Variants in MCF2L observed in about 807,000 individuals in gnomAD.
MCF2L encodes the protein MCF.2 cell line derived transforming sequence like, also known as guanine nucleotide exchange factor DBS.
A neutral mutation model predicts 153.4 loss-of-function variants in MCF2L; 97 were observed. That is an observed-to-expected ratio of 0.63 (90% CI 0.54 to 0.75). The LOEUF is 0.75. Ranked by LOEUF, MCF2L falls within the 30% of genes least tolerant of loss-of-function variation. The pLI is 0.00. For missense variants in MCF2L, 1,347 were observed against 1,495.2 expected (o/e 0.90, Z 1.64); for synonymous variants, 659 against 632.2 (o/e 1.04, Z -0.64).
Position 113,025,522 on chromosome 13 carries a change from T to C in MCF2L, c.278+764T>C, listed in dbSNP as rs186194259. On this transcript the variant is annotated intron_variant, in intron 3 of 29. Transcript: ENST00000535094. ...GGGGCAGAGTCTCTGTGAGGTTTCATCATCGTGGGGTCCCCGTGACTGTGG... is the reference window on the plus strand; with the variant it reads ...GGGGCAGAGTCTCTGTGAGGTTTCACCATCGTGGGGTCCCCGTGACTGTGG... Among the ~76,000 whole-genome samples the C allele has an allele frequency of 2.3e-4, 8 of 35,240 alleles. 1 individual carries two copies. Among genetic ancestry groups the C allele is most frequent in the African/African-American group, 3.8e-4 (3 of 7,942 alleles). 23.1% of individuals were successfully genotyped at this position (35,240 alleles called of 152,430 possible).
chr13:113,076,070 G>A lies in MCF2L; in HGVS notation c.1413G>A (p.Lys471=). The change falls in exon 12 of 30, where the codon AAG becomes AAA. Residue 471 remains lysine (K), a synonymous_variant. Transcript: ENST00000535094. ...GAEAALQEIE[K]FLETGAENKI... is the part of the protein sequence containing the mutation. ...AGGCTGCCCTCCAGGAAATCGAGAA[G>A]TTTTTGGAGACCGGTGCGGAAAATA... 1 of 1,614,068 alleles carries A rather than the reference G, an allele frequency of 6.2e-7. No homozygotes were observed.
At chr13:113,049,397 C>T (rs1196488552) in intron 4 of MCF2L, among the ~76,000 whole-genome samples, 1 of 152,124 alleles carries the variant, frequency 6.6e-6, no homozygotes, top group Non-Finnish European at 1.5e-5. Flanking sequence ...ATGAGCCACG[C>T]ACTCCTTGGA....
In MCF2L at chr13:112,896,461, C is replaced by CCCA. The variant is rs1555347664; in HGVS notation, c.-5+2032_-5+2033insACC. On this transcript the variant is annotated intron_variant, in intron 1 of 29. Transcript: ENST00000375608. ...CCAGGTCACTTCAGAAGAGAGGCCC[C>CCCA]CCCTGTCTTTACAGCCATGTAATTT... 1.6e-4 allele frequency among the ~76,000 whole-genome samples: 25 copies of CCCA among 152,256 alleles called. 1 individual carries two copies. The highest frequency in any genetic ancestry group is 6.0e-4 in the African/African-American group (25 of 41,512).
At chr13:112,898,344 G>A (rs1485247269) in intron 1 of MCF2L, among the ~76,000 whole-genome samples, 1 of 152,206 alleles carries the variant, frequency 6.6e-6, no homozygotes, top group African/African-American at 2.4e-5. Flanking sequence ...CTGGTTGCGG[G>A]GCGTGAGGTG....
intron 2 of MCF2L, among the ~76,000 whole-genome samples, chr13:112,958,736 C>G (rs2081788597): frequency 6.6e-6 from 1 of 152,206 alleles, no homozygotes; most frequent in African/African-American, 2.4e-5. Context: ...TGCAGCTCCT[C>G]AGGCCTGGAA....
intron 26 of MCF2L, 51 bp from the exon 27 acceptor site, chr13:113,094,463 A>C: frequency 1.9e-6 from 3 of 1,564,774 alleles, no homozygotes; most frequent in Non-Finnish European, 2.6e-6. Context: ...AGACAGATGC[A>C]GACAGCGGCT....
chr13:113,013,128 C>T (rs893981760), intron 1 of MCF2L, among the ~76,000 whole-genome samples: 1 of 152,174 alleles, frequency 6.6e-6, no homozygotes, highest in Admixed American at 6.5e-5. Flanking sequence ...CATCCAACTG[C>T]GCAGTCTAGG....
intron 1 of MCF2L, among the ~76,000 whole-genome samples, chr13:113,003,210 A>G (rs1229312311): frequency 6.6e-6 from 1 of 152,232 alleles, no homozygotes; most frequent in African/African-American, 2.4e-5. Context: ...GCTGTGGAGC[A>G]CTGGGGAAGG....
chr13:113,033,261 A>ACCCCGTGGCGTGAGTGGC (rs1566772795), intron 3 of MCF2L, among the ~76,000 whole-genome samples: 7 of 9,002 alleles, frequency 7.8e-4, no homozygotes, highest in East Asian at 3.6e-3. Context: ...ACATTAGTGG[A>ACCCCGTGGCGTGAGTGGC]CCCCGTGGCG....
chr13:113,087,715 C>T lies in MCF2L; in HGVS notation c.2604C>T (p.Ala868=), dbSNP rs1013566442. Residue 868 remains alanine (A), a synonymous_variant, in exon 23 of 30, where the codon GCC becomes GCT. Transcript: ENST00000535094. ...YSYKQSLNMA[A]VGITENVKGD... Reference sequence around the variant, plus strand: ...CCACTCTCTGCTCGCAGATGGCTGCCGTTGGCATTACGGAGAACGTGAAGG... The same window carrying T: ...CCACTCTCTGCTCGCAGATGGCTGCTGTTGGCATTACGGAGAACGTGAAGG... The T allele has an allele frequency of 1.1e-5, 17 of 1,613,764 alleles. No individual in the cohort carries two copies. Among genetic ancestry groups the T allele is most frequent in the East Asian group, 2.2e-5 (1 of 44,894 alleles).
intron 3 of MCF2L, among the ~76,000 whole-genome samples, chr13:113,041,911 G>A (rs1425625137): frequency 1.3e-5 from 2 of 152,170 alleles, no homozygotes; most frequent in Non-Finnish European, 2.9e-5. Flanking sequence ...GTCTGAGCCA[G>A]GTTCCCCTGT....
At chr13:113,033,297 ACCCCGTGG>A (rs1566773069) in intron 3 of MCF2L, among the ~76,000 whole-genome samples, 25 of 24,792 alleles carry the variant, frequency 1.0e-3, no homozygotes, top group African/African-American at 3.0e-3. Context: ...ACATTAGTGG[ACCCCGTGG>A]CGTGAGTGGC....
chr13:113,038,913 A>G (rs2086310265), intron 3 of MCF2L, among the ~76,000 whole-genome samples: 2 of 152,162 alleles, frequency 1.3e-5, no homozygotes, highest in Admixed American at 1.3e-4. Context: ...GCTGGAGTGC[A>G]ATGGTGCTAT....
intron 2 of MCF2L, among the ~76,000 whole-genome samples, chr13:112,935,537 G>A (rs372038768): frequency 2.6e-5 from 4 of 152,140 alleles, no homozygotes; most frequent in Non-Finnish European, 5.9e-5. Context: ...GAATACAGGC[G>A]TGAGCCACCA....
chr13:112,994,207 G>A (rs77454680), intron 1 of MCF2L, among the ~76,000 whole-genome samples: 4,174 of 150,248 alleles, frequency 0.028, 222 homozygotes, highest in African/African-American at 0.096. Context: ...GGCTGCCAAC[G>A]GGGCACGGTG....
rs532645754 is a variant in MCF2L, at chr13:113,039,049, C to T, written c.279-6222C>T. Among the ~76,000 whole-genome samples, 280 of 152,220 alleles carry T rather than the reference C, an allele frequency of 1.8e-3. 2 individuals are homozygous for T. Among genetic ancestry groups the T allele is most frequent in the African/African-American group, 6.0e-3 (251 of 41,530 alleles). On this transcript the variant is annotated intron_variant, in intron 3 of 29. Transcript: ENST00000535094. ...ATTTTTTTTGTATTTTTAGTAGAGACGGGGTTTCACCGTGTTAGCCTGGAT... is the reference window on the plus strand; with the variant it reads ...ATTTTTTTTGTATTTTTAGTAGAGATGGGGTTTCACCGTGTTAGCCTGGAT...
intron 2 of MCF2L, among the ~76,000 whole-genome samples, chr13:112,911,482 C>T (rs2081231829): frequency 6.6e-6 from 1 of 152,246 alleles, no homozygotes. Flanking sequence ...TGGCCGTGAT[C>T]CCCGGATCCT....
intron 27 of MCF2L, 173 bp downstream of exon 27, chr13:113,094,808 C>T: frequency 9.5e-7 from 1 of 1,053,234 alleles, no homozygotes; most frequent in South Asian, 1.5e-5. Flanking sequence ...CCTCCTAACT[C>T]TCTCTGGAAG....
chr13:112,902,347 C>T (rs1193629957), exon 2 of MCF2L: 4 of 1,612,618 alleles, frequency 2.5e-6, no homozygotes, highest in African/African-American at 2.7e-5. Context: ...TCAAGACACA[C>T]CGGAGGCGAC....
Sources: gnomAD v4.1 joint callset for allele counts (sites outside exome capture counted in the v4.1 genomes callset) on GRCh38, gnomAD v4.1.1 for gene constraint, MANE v1.5 for transcripts, NCBI Gene and HGNC (gene_info 2026-07-23, HGNC 2026-07-21) for gene names.